BANP: variants seen among roughly 807,000 people sequenced by gnomAD.
BANP encodes the protein BTG3 associated nuclear protein.
In BANP, 11 loss-of-function variants were observed where a neutral mutation model predicts 68.1. That is an observed-to-expected ratio of 0.16 (90% CI 0.10 to 0.27). The LOEUF (loss-of-function observed/expected upper bound fraction) is 0.27. Ranked by LOEUF, BANP falls within the 10% of genes least tolerant of loss-of-function variation. The probability of loss-of-function intolerance (pLI) is 1.00; values close to 1 mark genes in which losing one functional copy is unlikely to be tolerated. For synonymous variants in BANP, 329 were observed against 303.2 expected, an observed-to-expected ratio of 1.09 and a Z score of -0.88; for missense variants, 504 against 722.7, an observed-to-expected ratio of 0.70 and a Z score of 3.47.
At chr16:87,949,383 GT>G (rs1465256232), upstream of BANP, 1 of 152,236 alleles carries the variant, frequency 6.6e-6, no homozygotes, top group Non-Finnish European at 1.5e-5. Context: ...TGAGGTGGAG[GT>G]GGAGACAAAA....
At chr16:87,970,147 T>A (rs1390343955) in intron 1 of BANP, 2 of 152,382 alleles carry the variant, frequency 1.3e-5, no homozygotes, top group East Asian at 3.9e-4. Flanking sequence ...CGCCTTGGCC[T>A]TCCAAAGTGC....
rs1323029059 is a variant in BANP, at chr16:88,003,067, A to G, written c.363-1228A>G. Among the ~76,000 whole-genome samples the G allele has an allele frequency of 6.6e-6, 1 of 152,210 alleles. No homozygotes were observed. Among genetic ancestry groups the G allele is most frequent in the East Asian group, 1.9e-4 (1 of 5,196 alleles). Reference sequence around the variant, plus strand: ...CTCCAGTTCTACATCTCTGAGGAGCATAGGACTGTCACAGCCTGTAGGTGA... The same window carrying G: ...CTCCAGTTCTACATCTCTGAGGAGCGTAGGACTGTCACAGCCTGTAGGTGA... On this transcript the variant is annotated intron_variant, in intron 4 of 13. Transcript: ENST00000682872. The surrounding 1 kb of genome is among the most constrained non-coding windows in gnomAD (Gnocchi z 6.1).
At chr16:88,049,522 C>T in intron 11 of BANP, among the ~76,000 whole-genome samples, 1 of 152,166 alleles carries the variant, frequency 6.6e-6, no homozygotes, top group Non-Finnish European at 1.5e-5. Context: ...GGGCAGGACC[C>T]TCTCATGGGA....
At chr16:88,056,763 A>G (rs896455626) in intron 11 of BANP, among the ~76,000 whole-genome samples, 1 of 152,192 alleles carries the variant, frequency 6.6e-6, no homozygotes, top group African/African-American at 2.4e-5. Flanking sequence ...TATATATTTA[A>G]AAGGTTATTC....
chr16:88,040,061 C>T (rs1421694686), intron 11 of BANP, among the ~76,000 whole-genome samples: 1 of 152,164 alleles, frequency 6.6e-6, no homozygotes. Flanking sequence ...ATTTCTGGGA[C>T]CTCAAATCAA....
At chr16:88,061,357 A>T (rs2086730574) in intron 11 of BANP, among the ~76,000 whole-genome samples, 1 of 152,112 alleles carries the variant, frequency 6.6e-6, no homozygotes, top group African/African-American at 2.4e-5. Flanking sequence ...GTTGACTTAA[A>T]CCCTGAGGTC....
intron 11 of BANP, 46 bp downstream of exon 11, chr16:88,038,057 G>T (rs373953863): frequency 1.3e-6 from 2 of 1,597,906 alleles, no homozygotes; most frequent in Non-Finnish European, 1.7e-6. Flanking sequence ...GCGCTGCCGA[G>T]GGATGGGGTT....
intron 4 of BANP, among the ~76,000 whole-genome samples, chr16:87,991,900 G>C (rs1248489063): frequency 6.6e-6 from 1 of 152,054 alleles, no homozygotes; most frequent in Non-Finnish European, 1.5e-5. Flanking sequence ...CTTTATTTCA[G>C]TGTATTTTCT....
chr16:87,967,110 C>T, intron 1 of BANP, among the ~76,000 whole-genome samples: 1 of 152,180 alleles, frequency 6.6e-6, no homozygotes. Context: ...TGTCTGATGC[C>T]CCGCACCCAC....
intron 11 of BANP, among the ~76,000 whole-genome samples, chr16:88,061,149 C>T (rs974047804): frequency 3.9e-5 from 6 of 152,194 alleles, no homozygotes; most frequent in African/African-American, 1.2e-4. Flanking sequence ...CATGCTGAAA[C>T]GCTGGAGCCA....
chr16:88,051,240 G>A (rs2083200926), intron 11 of BANP, among the ~76,000 whole-genome samples: 1 of 152,210 alleles, frequency 6.6e-6, no homozygotes, highest in African/African-American at 2.4e-5. Flanking sequence ...TGTGGAAACT[G>A]TGCTTCCCTT....
chr16:88,061,378 TTG>T (rs1189707090), intron 11 of BANP, among the ~76,000 whole-genome samples: 1 of 152,256 alleles, frequency 6.6e-6, no homozygotes, highest in Non-Finnish European at 1.5e-5. Flanking sequence ...TGCAAGAAGC[TTG>T]TGTGTGCTGT....
At chr16:87,988,043 C>T (rs376872983) in intron 4 of BANP, among the ~76,000 whole-genome samples, 38 of 152,098 alleles carry the variant, frequency 2.5e-4, no homozygotes, top group African/African-American at 8.7e-4. Flanking sequence ...AAGCTGTTGA[C>T]AGAAAATTGT....
At position 88,036,716 on chromosome 16, in the gene BANP, G is replaced by A. The variant is rs1487221078; in HGVS notation, c.1273-1257G>A. On this transcript the variant is annotated intron_variant, in intron 10 of 13. Transcript: ENST00000682872. The surrounding 1 kb of genome is among the most constrained non-coding windows in gnomAD (Gnocchi z 4.2). The stretch of plus-strand genomic sequence containing the variant: ...CTCATCCACACAGCGACATGACCAG[G>A]TCACTAAGAAACGTGGTCAGATGGA... Among the ~76,000 whole-genome samples, 1 of 152,182 alleles carries A rather than the reference G, an allele frequency of 6.6e-6. No individual in the cohort carries two copies. Among genetic ancestry groups the A allele is most frequent in the Non-Finnish European group, 1.5e-5 (1 of 68,030 alleles).
chr16:87,968,875 C>A (rs1215910891), intron 1 of BANP, among the ~76,000 whole-genome samples: 1 of 152,072 alleles, frequency 6.6e-6, no homozygotes, highest in Admixed American at 6.5e-5. Context: ...AAGTATACTT[C>A]TTTTTCTTTT....
chr16:87,966,058 T>C (rs4843287), intron 1 of BANP, among the ~76,000 whole-genome samples: 51,619 of 152,040 alleles, frequency 0.34, 10,164 homozygotes, highest in Non-Finnish European at 0.47. Context: ...TGGGATCATA[T>C]CATCCGCACC....
chr16:87,988,087 G>C (rs1463366748), intron 4 of BANP, among the ~76,000 whole-genome samples: 1 of 152,084 alleles, frequency 6.6e-6, no homozygotes, highest in African/African-American at 2.4e-5. Flanking sequence ...CATAATCCCA[G>C]TATGTCAATG....
chr16:87,949,480 T>A (rs1459399882), upstream of BANP: 2 of 152,208 alleles, frequency 1.3e-5, no homozygotes, highest in East Asian at 1.9e-4. Flanking sequence ...TCCCTCCATG[T>A]GAGTGGACTC....
chr16:88,044,940 C>T (rs910613364), intron 11 of BANP, among the ~76,000 whole-genome samples: 31 of 152,052 alleles, frequency 2.0e-4, no homozygotes, highest in Non-Finnish European at 1.9e-4. Flanking sequence ...TGAGATCGCG[C>T]CACTGCACTC....
Sources: gnomAD v4.1 joint callset for allele counts (sites outside exome capture counted in the v4.1 genomes callset) on GRCh38, gnomAD v4.1.1 for gene constraint, Gnocchi (gnomAD v3.1) non-coding constraint, MANE v1.5 for transcripts, NCBI Gene and HGNC (gene_info 2026-07-23, HGNC 2026-07-21) for gene names.